ASTN2: variants seen among roughly 807,000 people sequenced by gnomAD.
The protein encoded by ASTN2 is astrotactin-2.
ASTN2 carries 54 observed loss-of-function variants against 139.8 expected under a neutral mutation model. That is an observed-to-expected ratio of 0.39 (90% confidence interval 0.31 to 0.48). ASTN2 has a LOEUF of 0.48. Among genes scored for constraint, ASTN2 ranks in the 20% least tolerant of loss-of-function variants. The probability of loss-of-function intolerance (pLI) is 0.95; values close to 1 mark genes in which losing one functional copy is unlikely to be tolerated. For synonymous variants in ASTN2, 756 were observed against 719.5 expected, an observed-to-expected ratio of 1.05 and a Z score of -0.81; for missense variants, 1,565 against 1,725.1, an observed-to-expected ratio of 0.91 and a Z score of 1.64.
intron 13 of ASTN2, among the ~76,000 whole-genome samples, chr9:116,744,861 A>G (rs1829192052): frequency 6.6e-6 from 1 of 152,064 alleles, no homozygotes; most frequent in South Asian, 2.1e-4. Flanking sequence ...CTGTCAGTCC[A>G]CCTCAGCTTA....
chr9:117,273,647 G>A (rs912293089), intron 2 of ASTN2, among the ~76,000 whole-genome samples: 5 of 152,190 alleles, frequency 3.3e-5, no homozygotes, highest in African/African-American at 7.2e-5. Context: ...TGGCTCAGGT[G>A]TCCATTTTCA....
At chr9:117,108,438 A>AACACACACACGCAC (rs1554779233) in intron 4 of ASTN2, among the ~76,000 whole-genome samples, 10 of 145,346 alleles carry the variant, frequency 6.9e-5, no homozygotes, top group Admixed American at 3.4e-4. Context: ...AACAAAACAA[A>AACACACACACGCAC]ACACACACAC....
Position 117,214,354 on chromosome 9 carries a change from T to C in ASTN2, c.1015+4A>G, listed in dbSNP as rs1832238809. 24 of 1,578,230 alleles carry C rather than the reference T, an allele frequency of 1.5e-5. No individual in the cohort carries two copies. The highest frequency in any genetic ancestry group is 2.1e-5 in the Non-Finnish European group (24 of 1,153,382). Reference sequence around the variant, plus strand: ...GAAAATGGGCTGTGACATGGAGGACTCACCTTTCTTCTCAAAGTCCACCTT... The same window carrying C: ...GAAAATGGGCTGTGACATGGAGGACCCACCTTTCTTCTCAAAGTCCACCTT... On this transcript the variant is annotated splice_donor_region_variant and intron_variant, in intron 3 of 22. Transcript: ENST00000313400.
chr9:116,478,393 C>T (rs1055371755), intron 20 of ASTN2, among the ~76,000 whole-genome samples: 1 of 152,122 alleles, frequency 6.6e-6, no homozygotes, highest in African/African-American at 2.4e-5. Flanking sequence ...AGCACAAGAA[C>T]CCTATCAAGC....
intron 16 of ASTN2, among the ~76,000 whole-genome samples, chr9:116,672,366 A>C (rs926126267): frequency 7.0e-6 from 1 of 142,572 alleles, no homozygotes; most frequent in Non-Finnish European, 1.5e-5. Flanking sequence ...ATCTTGTCTC[A>C]AAAAAAAAAA....
intron 7 of ASTN2, among the ~76,000 whole-genome samples, chr9:116,999,998 TTTC>T (rs1588470166): frequency 6.6e-6 from 1 of 152,232 alleles, no homozygotes; most frequent in African/African-American, 2.4e-5. Context: ...GATATCATAT[TTTC>T]TTCTCACATA....
At chr9:117,272,507 A>C (rs1834091164) in intron 2 of ASTN2, among the ~76,000 whole-genome samples, 1 of 152,178 alleles carries the variant, frequency 6.6e-6, no homozygotes, top group Admixed American at 6.5e-5. Flanking sequence ...ATTTCTCTTC[A>C]AAAAAATGGG....
At chr9:116,841,971 C>G (rs1018225026) in intron 11 of ASTN2, among the ~76,000 whole-genome samples, 1 of 152,160 alleles carries the variant, frequency 6.6e-6, no homozygotes, top group Non-Finnish European at 1.5e-5. Context: ...TTGGGTCATA[C>G]AGCAAGCAAG....
intron 5 of ASTN2, among the ~76,000 whole-genome samples, chr9:117,059,615 T>A (rs1160135873): frequency 2.0e-5 from 3 of 151,952 alleles, no homozygotes; most frequent in Non-Finnish European, 2.9e-5. Flanking sequence ...TATGTTTTTT[T>A]ATTATTACTA....
chr9:116,943,416 C>A (rs185086366), intron 10 of ASTN2, among the ~76,000 whole-genome samples: 1 of 152,228 alleles, frequency 6.6e-6, no homozygotes, highest in East Asian at 1.9e-4. Flanking sequence ...TAAGTATCTA[C>A]AATTCAACCT....
chr9:117,294,632 T>C (rs1834682824), intron 1 of ASTN2, among the ~76,000 whole-genome samples: 2 of 152,212 alleles, frequency 1.3e-5, no homozygotes, highest in Admixed American at 1.3e-4. Context: ...CATTTAGCAG[T>C]GGAAATTCTA....
chr9:117,213,465 G>A (rs138991997), intron 3 of ASTN2, among the ~76,000 whole-genome samples: 1 of 152,118 alleles, frequency 6.6e-6, no homozygotes, highest in Non-Finnish European at 1.5e-5. Flanking sequence ...CCAATGCAAA[G>A]AAATGATCAA....
Position 116,975,773 on chromosome 9 carries a change from T to G in ASTN2, c.1751+341A>C, listed in dbSNP as rs535067562. 2.7e-3 allele frequency among the ~76,000 whole-genome samples: 409 copies of G among 150,594 alleles called. 2 individuals carry two copies. The highest frequency in any genetic ancestry group is 9.7e-3 in the African/African-American group (403 of 41,504). ...TCTGCCACTTAATTTGCTGTATGTC[T>G]TTATCTACATGTTCATTGAAGTTTT... On this transcript the variant is annotated intron_variant, in intron 9 of 22. Transcript: ENST00000313400.
rs776623379 is a variant in ASTN2, at chr9:117,141,366, G to C, written c.1128C>G (p.Ser376Arg). The C allele has an allele frequency of 7.3e-7, 1 of 1,367,508 alleles. No individual in the cohort carries two copies. The highest frequency in any genetic ancestry group is 9.8e-7 in the Non-Finnish European group (1 of 1,021,818). 84.7% of individuals were successfully genotyped at this position (1,367,508 alleles called of 1,614,324 possible). A position where few individuals can be genotyped will look rare whatever the true frequency, so the allele number is the denominator to read the frequency against. Residue 376 changes from serine (S) to arginine (R), a missense_variant, in exon 4 of 23, where the codon AGC becomes AGG. Physicochemically the swap from Ser to Arg is moderately radical, Grantham distance 110 (BLOSUM62 -1). Around this residue, in one of 4 missense-constraint regions of ASTN2, gnomAD observed 596 missense variants for 576.8 expected, o/e 1.03. Coordinates refer to ENST00000313400, the MANE Select transcript of ASTN2 (RefSeq NM_001365068.1). ...TCCGCTTCCTCTTCCCTGCCGATGT[G>C]CTGCGCAGGGGTGGTTGCAGCTGAC... The part of the protein sequence containing the change: ...EIGQLQPPLR[S>R]TSAGKRKRRS...
At chr9:117,254,877 T>A (rs931651070) in intron 2 of ASTN2, among the ~76,000 whole-genome samples, 2 of 152,226 alleles carry the variant, frequency 1.3e-5, no homozygotes, top group African/African-American at 4.8e-5. Context: ...TTTTATGCCC[T>A]CTTCTATTTT....
chr9:116,865,206 C>T (rs1227585579), intron 10 of ASTN2, among the ~76,000 whole-genome samples: 2 of 151,928 alleles, frequency 1.3e-5, no homozygotes, highest in East Asian at 3.9e-4. Flanking sequence ...CATAGTGGCT[C>T]ATGCTTGTAA....
intron 10 of ASTN2, among the ~76,000 whole-genome samples, chr9:116,959,885 G>A (rs1346330982): frequency 3.3e-5 from 5 of 152,114 alleles, no homozygotes; most frequent in African/African-American, 1.2e-4. Context: ...CCTTTCTCCA[G>A]AACACTTGCC....
At chr9:116,895,120 C>A (rs1189645822) in intron 10 of ASTN2, among the ~76,000 whole-genome samples, 3 of 152,166 alleles carry the variant, frequency 2.0e-5, no homozygotes, top group African/African-American at 7.2e-5. Context: ...AAATTGGAAA[C>A]TTTTTGAGTG....
chr9:117,179,199 C>G (rs188044850), intron 3 of ASTN2, among the ~76,000 whole-genome samples: 1 of 152,222 alleles, frequency 6.6e-6, no homozygotes. Flanking sequence ...TTCCAACCAC[C>G]AGAGCTTTCT....
Sources: allele counts gnomAD v4.1 joint callset (sites outside exome capture counted in the v4.1 genomes callset), GRCh38; gene constraint gnomAD v4.1.1; regional missense constraint gnomAD v4.1.1; transcripts MANE v1.5; gene names NCBI Gene and HGNC (gene_info 2026-07-23, HGNC 2026-07-21).